The following MYCBP2 variants were observed in gnomAD, a reference collection of about 807,000 sequenced individuals.
MYCBP2 encodes MYC binding protein 2, also known as E3 ubiquitin-protein ligase MYCBP2.
A neutral mutation model predicts 525.3 loss-of-function variants in MYCBP2; 120 were observed. The observed-to-expected ratio is 0.23, with a 90% CI of 0.20 to 0.27. The LOEUF is 0.27. Among genes scored for constraint, MYCBP2 ranks in the 10% least tolerant of loss-of-function variants. MYCBP2 has a pLI of 1.00. For missense variants in MYCBP2, 4,149 were observed against 5,657.1 expected, an observed-to-expected ratio of 0.73 and a Z score of 8.55; for synonymous variants, 1,894 against 1,955.8, an observed-to-expected ratio of 0.97 and a Z score of 0.83.
At chr13:77,110,098 A>G (rs1479722950) in intron 55 of MYCBP2, 4 of 152,246 alleles carry the variant, frequency 2.6e-5, no homozygotes, top group Non-Finnish European at 2.9e-5. Context: ...GAAGACAACC[A>G]TAAGGTCTGA....
At chr13:77,316,807 C>A (rs2081001931) in intron 1 of MYCBP2, among the ~76,000 whole-genome samples, 1 of 144,958 alleles carries the variant, frequency 6.9e-6, no homozygotes, top group African/African-American at 2.4e-5. Flanking sequence ...CCATTTACCA[C>A]AAACACTGGA....
chr13:77,078,142 T>C (rs146022222), intron 66 of MYCBP2: 42 of 152,320 alleles, frequency 2.8e-4, no homozygotes, highest in African/African-American at 1.0e-3. Flanking sequence ...CACAATCTCA[T>C]TGAATAGGAT....
chr13:77,087,720 AC>A, intron 61 of MYCBP2, 87 bp from the exon 62 acceptor site: 1 of 1,124,072 alleles, frequency 8.9e-7, no homozygotes, highest in East Asian at 2.5e-5. Context: ...ATGGATTAAG[AC>A]TTCAAAGAAA....
chr13:77,243,963 T>G lies in MYCBP2; in HGVS notation c.2382-12A>C. On this transcript the variant is annotated splice_polypyrimidine_tract_variant and intron_variant, in intron 15 of 82. Transcript: ENST00000544440. ...CACAACCACAGATCCTAGGGGGAAA[T>G]ACAAAAAAAAAAAAAAAAGACAACT... 6.3e-6 allele frequency: 7 copies of G among 1,104,394 alleles called. No individual in the cohort carries two copies. Among genetic ancestry groups the G allele is most frequent in the Admixed American group, 7.9e-5 (1 of 12,602 alleles). The allele number at this position is 1,104,394 out of a possible 1,614,324, so 68.4% of individuals were successfully genotyped here. A position where few individuals can be genotyped will look rare whatever the true frequency, so the allele number is the denominator to read the frequency against.
rs1337968294 is a variant in MYCBP2 at position 77,131,642 on chromosome 13, AAT to A, written c.7660-5102_7660-5101del. 3.9e-5 allele frequency among the ~76,000 whole-genome samples: 6 copies of A among 152,178 alleles called. 1 individual carries two copies. The highest frequency in any genetic ancestry group is 7.2e-5 in the African/African-American group (3 of 41,448). ...CAAAGCCCCAATTTCTCACTATTAA[AAT>A]ATGTTAGCTTTCATATAGTATAATT... On this transcript the variant is annotated intron_variant, in intron 52 of 82. Transcript: ENST00000544440.
At chr13:77,135,662 T>C (rs904633420) in intron 52 of MYCBP2, among the ~76,000 whole-genome samples, 1 of 152,190 alleles carries the variant, frequency 6.6e-6, no homozygotes, top group Admixed American at 6.5e-5. Context: ...GTACCCCATC[T>C]GTCATCTTTG....
At chr13:77,219,007 G>A (rs1278630757) in intron 20 of MYCBP2, among the ~76,000 whole-genome samples, 1 of 152,162 alleles carries the variant, frequency 6.6e-6, no homozygotes, top group Non-Finnish European at 1.5e-5. Flanking sequence ...TCGATATGGG[G>A]CAAGGAAGAT....
At chr13:77,294,657 C>A (rs544898684) in intron 2 of MYCBP2, among the ~76,000 whole-genome samples, 40 of 152,128 alleles carry the variant, frequency 2.6e-4, no homozygotes, top group Non-Finnish European at 5.1e-4. Flanking sequence ...CCGATTTGCA[C>A]ATAGCACCAA....
intron 47 of MYCBP2, among the ~76,000 whole-genome samples, chr13:77,146,446 C>G (rs1264322079): frequency 6.7e-6 from 1 of 148,454 alleles, no homozygotes; most frequent in Non-Finnish European, 1.5e-5. Context: ...AAGAAAAAAA[C>G]AGATAACATC....
intron 15 of MYCBP2, among the ~76,000 whole-genome samples, chr13:77,248,136 T>A (rs1332886526): frequency 8.6e-5 from 3 of 35,050 alleles, no homozygotes; most frequent in African/African-American, 2.6e-4. Context: ...AAACTTAAAG[T>A]ATAATCAAAA....
At position 77,070,726 on chromosome 13, in the gene MYCBP2, A is replaced by AC; in HGVS notation, c.11824-16_11824-15insG. The AC allele has an allele frequency of 1.3e-6, 2 of 1,529,298 alleles. No individual in the cohort carries two copies. 94.7% of individuals were successfully genotyped at this position (1,529,298 alleles called of 1,614,324 possible). A position where few individuals can be genotyped will look rare whatever the true frequency, so the allele number is the denominator to read the frequency against. On this transcript the variant is annotated splice_polypyrimidine_tract_variant and intron_variant, in intron 68 of 82. Transcript: ENST00000544440. ...TCTGATGTTGCCTTTACATAGAAAA[A>AC]GAAAAAAAAAAAAAAGAATGAAGTG... is the stretch of plus-strand genomic sequence containing the variant.
At chr13:77,061,896 T>G (rs1176383398) in intron 74 of MYCBP2, 106 bp from the exon 75 acceptor site, 19 of 1,181,196 alleles carry the variant, frequency 1.6e-5, no homozygotes, top group Non-Finnish European at 1.9e-5. Flanking sequence ...TTCGGAAGTC[T>G]ATTAAGAATT....
At chr13:77,099,170 T>G in intron 55 of MYCBP2, 157 bp from the exon 56 acceptor site, 8 of 987,016 alleles carry the variant, frequency 8.1e-6, no homozygotes, top group East Asian at 2.6e-5. Flanking sequence ...AAGGGGGAAA[T>G]ATTTCTAATA....
intron 26 of MYCBP2, among the ~76,000 whole-genome samples, chr13:77,196,071 A>G (rs2061727205): frequency 6.6e-6 from 1 of 152,210 alleles, no homozygotes; most frequent in Admixed American, 6.5e-5. Context: ...TACAGTTTTA[A>G]GTAGGCTTAC....
At chr13:77,188,833 C>T in intron 30 of MYCBP2, 118 bp downstream of exon 30, 4 of 572,604 alleles carry the variant, frequency 7.0e-6, no homozygotes, top group South Asian at 8.7e-5. Context: ...AATACAAAAC[C>T]AAATCTGAGT....
intron 79 of MYCBP2, 74 bp downstream of exon 79, chr13:77,056,912 A>C: frequency 8.7e-7 from 1 of 1,153,400 alleles, no homozygotes. Context: ...AGATACTGAC[A>C]TATGTTTATT....
In MYCBP2 at chr13:77,097,146, C is replaced by T. The variant is rs1473756; in HGVS notation, c.9784+224G>A. On this transcript the variant is annotated intron_variant, in intron 56 of 82. Transcript: ENST00000544440. The stretch of plus-strand genomic sequence containing the variant: ...GGGTAACACATAATATTTTTTAAAA[C>T]ATGCTACATGAAAGTGAAATAGCAC... Among the ~76,000 whole-genome samples the T allele has an allele frequency of 1.7e-3, 254 of 152,278 alleles. 1 individual carries two copies. Among genetic ancestry groups the T allele is most frequent in the African/African-American group, 5.8e-3 (242 of 41,574 alleles).
chr13:77,134,188 C>A (rs2053366609), intron 52 of MYCBP2, among the ~76,000 whole-genome samples: 2 of 152,002 alleles, frequency 1.3e-5, no homozygotes, highest in Admixed American at 6.6e-5. Context: ...ATAAATTAGA[C>A]AACAAAACAA....
intron 1 of MYCBP2, among the ~76,000 whole-genome samples, chr13:77,316,490 TG>T (rs980393210): frequency 3.3e-5 from 5 of 152,238 alleles, no homozygotes; most frequent in African/African-American, 1.2e-4. Flanking sequence ...ACATCAGTGC[TG>T]GGCAGGGGCT....
Sources: allele counts gnomAD v4.1 joint callset (sites outside exome capture counted in the v4.1 genomes callset), GRCh38; gene constraint gnomAD v4.1.1; transcripts MANE v1.5; gene names NCBI Gene and HGNC (gene_info 2026-07-23, HGNC 2026-07-21).